Variants in CHST11 observed in about 807,000 individuals in gnomAD.
The protein encoded by CHST11 is C4S-1.
CHST11 carries 9 observed loss-of-function variants against 30.4 expected under a neutral mutation model. That is an observed-to-expected ratio of 0.30 (90% CI 0.18 to 0.52). The LOEUF is 0.52. CHST11 is among the 20% of genes least tolerant of loss of function. CHST11 has a pLI of 0.97. For synonymous variants in CHST11, 152 were observed against 187.8 expected (o/e 0.81, Z 1.56); for missense variants, 348 against 460.6 (o/e 0.76, Z 2.24).
chr12:104,498,629 A>G (rs1399418690), intron 1 of CHST11, among the ~76,000 whole-genome samples: 2 of 152,176 alleles, frequency 1.3e-5, no homozygotes, highest in African/African-American at 2.4e-5. Context: ...ACGTCCCTAT[A>G]GGACCTTTTT....
chr12:104,476,435 A>G lies in CHST11; in HGVS notation c.118+18906A>G, dbSNP rs370654346. ...ATTTTGCTTTTTCCATGTAGCACCG[A>G]ATCATGGGCATTTTCTCATGTCATT... is the stretch of plus-strand genomic sequence containing the variant. On this transcript the variant is annotated intron_variant, in intron 1 of 2. Coordinates refer to ENST00000303694, the MANE Select transcript of CHST11 (RefSeq NM_018413.6). 2.0e-4 allele frequency among the ~76,000 whole-genome samples: 30 copies of G among 152,138 alleles called. No individual in the cohort carries two copies. The East Asian group carries it at 5.0e-3, about 25-fold the overall frequency.
chr12:104,475,689 T>TATATATATAA (rs1232136682), intron 1 of CHST11, among the ~76,000 whole-genome samples: 5 of 77,562 alleles, frequency 6.4e-5, no homozygotes, highest in African/African-American at 1.8e-4. Flanking sequence ...TATATATATA[T>TATATATATAA]ATTTCTGATT....
In CHST11 at chr12:104,479,171, GC is replaced by G. The variant is rs200729031; in HGVS notation, c.118+21649del. On this transcript the variant is annotated intron_variant, in intron 1 of 2. Transcript: ENST00000303694. ...AAATTGGTTTAAGCAAAAAAAAAGGGCCCCCCCTTTTTTTTGGCTCAGGGAA... is the reference window on the plus strand; with the variant it reads ...AAATTGGTTTAAGCAAAAAAAAAGGGCCCCCCTTTTTTTTGGCTCAGGGAA... Among the ~76,000 whole-genome samples the G allele has an allele frequency of 3.0e-3, 449 of 151,230 alleles. 5 individuals are homozygous for G. The highest frequency in any genetic ancestry group is 0.01 in the African/African-American group (424 of 41,178).
intron 1 of CHST11, among the ~76,000 whole-genome samples, chr12:104,481,271 C>G (rs1032597729): frequency 1.3e-5 from 2 of 152,190 alleles, no homozygotes; most frequent in Non-Finnish European, 2.9e-5. Context: ...ACTCTGCCTT[C>G]TTTCAGTGCC....
At chr12:104,566,176 A>G (rs2038564312) in intron 1 of CHST11, among the ~76,000 whole-genome samples, 1 of 152,186 alleles carries the variant, frequency 6.6e-6, no homozygotes, top group African/African-American at 2.4e-5. Flanking sequence ...TCTGTGCCTC[A>G]GTGTCACTGC....
intron 2 of CHST11, among the ~76,000 whole-genome samples, chr12:104,617,818 T>C (rs932855234): frequency 1.8e-4 from 27 of 152,204 alleles, no homozygotes; most frequent in Admixed American, 3.3e-4. Context: ...CTTTGGATTA[T>C]TTTGAAAATT....
At chr12:104,558,384 G>A (rs192784477) in intron 1 of CHST11, among the ~76,000 whole-genome samples, 20 of 152,236 alleles carry the variant, frequency 1.3e-4, no homozygotes, top group African/African-American at 2.6e-4. Context: ...GAGGGAGCTC[G>A]AAGTCTCCTT....
chr12:104,632,138 G>A (rs2039276919), intron 2 of CHST11, among the ~76,000 whole-genome samples: 1 of 152,162 alleles, frequency 6.6e-6, no homozygotes, highest in Admixed American at 6.5e-5. Flanking sequence ...GGGAGGTGAT[G>A]CTGCCTGGGA....
chr12:104,669,539 G>A (rs1318677828), intron 2 of CHST11, among the ~76,000 whole-genome samples: 2 of 152,126 alleles, frequency 1.3e-5, no homozygotes, highest in Non-Finnish European at 2.9e-5. Context: ...ATTCATAAAC[G>A]TTAATTGGGC....
At chr12:104,618,204 GCTT>G (rs1036860497) in intron 2 of CHST11, among the ~76,000 whole-genome samples, 3 of 150,404 alleles carry the variant, frequency 2.0e-5, no homozygotes, top group Non-Finnish European at 4.4e-5. Context: ...ACTGTGCCTG[GCTT>G]CTTCTTCTTT....
At chr12:104,700,901 G>C (rs752457940) in intron 2 of CHST11, among the ~76,000 whole-genome samples, 1 of 152,104 alleles carries the variant, frequency 6.6e-6, no homozygotes, top group Non-Finnish European at 1.5e-5. Context: ...ACGAGGTCAG[G>C]AGATCAAGAT....
At chr12:104,643,658 A>ACC (rs2039399079) in intron 2 of CHST11, among the ~76,000 whole-genome samples, 1 of 151,686 alleles carries the variant, frequency 6.6e-6, no homozygotes, top group South Asian at 2.1e-4. Context: ...ACACACACAC[A>ACC]AAGTTCTCAT....
At chr12:104,592,352 C>G (rs1409838408) in intron 1 of CHST11, among the ~76,000 whole-genome samples, 1 of 152,198 alleles carries the variant, frequency 6.6e-6, no homozygotes. Flanking sequence ...CTGGGAAGTC[C>G]AAGACCAAAG....
intron 2 of CHST11, among the ~76,000 whole-genome samples, chr12:104,645,644 T>C (rs915732834): frequency 4.0e-5 from 6 of 151,352 alleles, no homozygotes; most frequent in Non-Finnish European, 7.4e-5. Context: ...GGGCTCCAAG[T>C]CCTTCCCCCC....
chr12:104,707,678 T>G (rs945083386), intron 2 of CHST11, among the ~76,000 whole-genome samples: 3 of 152,160 alleles, frequency 2.0e-5, no homozygotes, highest in Non-Finnish European at 4.4e-5. Flanking sequence ...ATGAATAACT[T>G]TCCACTGTAG....
At chr12:104,505,201 A>G (rs2037892686) in intron 1 of CHST11, among the ~76,000 whole-genome samples, 1 of 152,088 alleles carries the variant, frequency 6.6e-6, no homozygotes, top group Non-Finnish European at 1.5e-5. Context: ...CCTGGGGGCT[A>G]TTTCACTTTC....
At chr12:104,736,386 A>G (rs2040301389) in intron 2 of CHST11, among the ~76,000 whole-genome samples, 1 of 152,232 alleles carries the variant, frequency 6.6e-6, no homozygotes, top group Admixed American at 6.5e-5. Context: ...TGATGATAAG[A>G]AAAAGACCAG....
In CHST11 at chr12:104,637,300, T is replaced by C. The variant is rs866799672; in HGVS notation, c.204+35309T>C. Among the ~76,000 whole-genome samples the C allele has an allele frequency of 6.5e-3, 116 of 17,856 alleles. 2 individuals are homozygous for C. The highest frequency in any genetic ancestry group is 0.032 in the African/African-American group (108 of 3,416). 11.7% of individuals were successfully genotyped at this position (17,856 alleles called of 152,430 possible). A position where few individuals can be genotyped will look rare whatever the true frequency, so the allele number is the denominator to read the frequency against. On this transcript the variant is annotated intron_variant, in intron 2 of 2. Coordinates refer to ENST00000303694, the MANE Select transcript of CHST11 (RefSeq NM_018413.6). ...AGCCTGGGCCATGGGAGTGAGACCCTGTAAAAAAAAAAAAAAAAAAAAAAA... is the reference window on the plus strand; with the variant it reads ...AGCCTGGGCCATGGGAGTGAGACCCCGTAAAAAAAAAAAAAAAAAAAAAAA...
chr12:104,670,308 A>G (rs879578627), intron 2 of CHST11, among the ~76,000 whole-genome samples: 8 of 152,236 alleles, frequency 5.3e-5, no homozygotes, highest in Non-Finnish European at 8.8e-5. Context: ...ACCACTCTGA[A>G]TCCACCAGCA....
Sources: gnomAD v4.1 joint callset for allele counts (sites outside exome capture counted in the v4.1 genomes callset) on GRCh38, gnomAD v4.1.1 for gene constraint, MANE v1.5 for transcripts, NCBI Gene and HGNC (gene_info 2026-07-23, HGNC 2026-07-21) for gene names.